The following PPP1R13B variants were observed in gnomAD, a reference collection of about 807,000 sequenced individuals.
The protein encoded by PPP1R13B is protein phosphatase 1 regulatory subunit 13B.
In PPP1R13B, 44 loss-of-function variants were observed where a neutral mutation model predicts 119.8. The observed-to-expected ratio is 0.37, with a 90% CI of 0.29 to 0.47. The LOEUF is 0.47. Among genes scored for constraint, PPP1R13B ranks in the 20% least tolerant of loss-of-function variants. The pLI is 0.99. For synonymous variants in PPP1R13B, 542 were observed against 561.5 expected (o/e 0.97, Z 0.49); for missense variants, 1,227 against 1,413.5 (o/e 0.87, Z 2.12).
In PPP1R13B at chr14:103,742,537, G is replaced by C. The variant is rs769850700; in HGVS notation, c.1320+117C>G. 7.1e-7 allele frequency: 1 copy of C among 1,411,170 alleles called. No homozygotes were observed. Among genetic ancestry groups the C allele is most frequent in the African/African-American group, 1.4e-5 (1 of 69,962 alleles). 87.4% of individuals were successfully genotyped at this position (1,411,170 alleles called of 1,614,324 possible). On this transcript the variant is annotated intron_variant, in intron 10 of 16. Transcript: ENST00000202556. The surrounding 1 kb of genome is among the most constrained non-coding windows in gnomAD (Gnocchi z 4.9). ...CCTCTAGGACTTTGGGTGTTGTCTG[G>C]ACAATAACAGGATTAACTTGCCTCC...
intron 3 of PPP1R13B, among the ~76,000 whole-genome samples, chr14:103,779,906 T>C (rs1424517055): frequency 2.6e-5 from 4 of 151,708 alleles, no homozygotes; most frequent in Non-Finnish European, 5.9e-5. Context: ...TCCCAGCACT[T>C]TGGAAGGCTG....
intron 4 of PPP1R13B, among the ~76,000 whole-genome samples, chr14:103,777,507 T>C (rs760919121): frequency 3.3e-5 from 5 of 152,046 alleles, no homozygotes; most frequent in African/African-American, 4.8e-5. Context: ...GCTAAGCCCA[T>C]AGCCCATCTG....
At chr14:103,782,403 T>C (rs890184452) in intron 3 of PPP1R13B, among the ~76,000 whole-genome samples, 6 of 152,230 alleles carry the variant, frequency 3.9e-5, no homozygotes, top group Admixed American at 3.9e-4. Flanking sequence ...GGTGGGCATT[T>C]AGGTTGTTCC....
At chr14:103,767,550 T>A (rs993131263) in intron 4 of PPP1R13B, among the ~76,000 whole-genome samples, 1 of 152,132 alleles carries the variant, frequency 6.6e-6, no homozygotes, top group Non-Finnish European at 1.5e-5. Context: ...TGCTGATATA[T>A]AATTCTTGCA....
intron 1 of PPP1R13B, chr14:103,818,527 A>G (rs1467536785): frequency 2.0e-6 from 2 of 979,896 alleles, no homozygotes; most frequent in African/African-American, 1.8e-5. Context: ...GGCAGCTACT[A>G]GACAAATCAT....
intron 4 of PPP1R13B, among the ~76,000 whole-genome samples, chr14:103,777,513 A>G (rs1457123810): frequency 6.6e-6 from 1 of 152,086 alleles, no homozygotes; most frequent in Non-Finnish European, 1.5e-5. Context: ...CCCATAGCCC[A>G]TCTGCCGCCA....
intron 4 of PPP1R13B, among the ~76,000 whole-genome samples, chr14:103,761,402 ACT>A (rs1446918234): frequency 6.6e-6 from 1 of 151,894 alleles, no homozygotes; most frequent in Non-Finnish European, 1.5e-5. Context: ...CCAGTTAATG[ACT>A]CTTCATTATT....
chr14:103,752,012 G>A (rs948015503), intron 7 of PPP1R13B, among the ~76,000 whole-genome samples: 7 of 152,112 alleles, frequency 4.6e-5, no homozygotes, highest in Non-Finnish European at 1.0e-4. Context: ...GAAAGAAGCC[G>A]GTCACAAAGG....
At chr14:103,819,365 T>C (rs1595819369) in intron 1 of PPP1R13B, among the ~76,000 whole-genome samples, 1 of 151,758 alleles carries the variant, frequency 6.6e-6, no homozygotes, top group South Asian at 2.1e-4. Context: ...GACATGGTGG[T>C]GCAGGCCTGT....
rs530227164 is a variant in PPP1R13B, at chr14:103,765,188, T to C, written c.355-7437A>G. 4.6e-5 allele frequency among the ~76,000 whole-genome samples: 7 copies of C among 152,368 alleles called. No homozygotes were observed. The South Asian group carries it at 1.4e-3, about 32-fold the overall frequency. On this transcript the variant is annotated intron_variant, in intron 4 of 16. Coordinates refer to ENST00000202556, the MANE Select transcript of PPP1R13B (RefSeq NM_015316.3). ...GGTGTTTGTCACATTTTGTTCGTGA[T>C]GTCTTATTTCCTTGTGCACGTGATT... is the stretch of plus-strand genomic sequence containing the variant.
chr14:103,764,789 T>C lies in PPP1R13B; in HGVS notation c.355-7038A>G, dbSNP rs143064420. ...CTCTTGAACATACCAACAAAACTTGTCATTTATTTAAATAAAGTAAATACA... is the reference window on the plus strand; with the variant it reads ...CTCTTGAACATACCAACAAAACTTGCCATTTATTTAAATAAAGTAAATACA... On this transcript the variant is annotated intron_variant, in intron 4 of 16. Transcript: ENST00000202556. 9.2e-5 allele frequency among the ~76,000 whole-genome samples: 14 copies of C among 152,332 alleles called. No homozygotes were observed. In the East Asian group the frequency reaches 2.5e-3, roughly 27 times the overall value.
At chr14:103,756,057 T>TA in intron 5 of PPP1R13B, among the ~76,000 whole-genome samples, 1 of 152,138 alleles carries the variant, frequency 6.6e-6, no homozygotes, top group East Asian at 1.9e-4. Context: ...TGGTAATGTT[T>TA]AAATGTTATC....
At chr14:103,845,143 C>T (rs984520783) in intron 1 of PPP1R13B, among the ~76,000 whole-genome samples, 3 of 152,188 alleles carry the variant, frequency 2.0e-5, no homozygotes, top group Non-Finnish European at 2.9e-5. Flanking sequence ...TCTACACAAA[C>T]TGCAAAATAT....
chr14:103,799,975 C>T (rs771675994), intron 1 of PPP1R13B, among the ~76,000 whole-genome samples: 1 of 151,826 alleles, frequency 6.6e-6, no homozygotes, highest in African/African-American at 2.4e-5. Context: ...CACTTGAACC[C>T]GGGAGGCATG....
chr14:103,765,064 C>T (rs1023751461), intron 4 of PPP1R13B, among the ~76,000 whole-genome samples: 3 of 152,184 alleles, frequency 2.0e-5, no homozygotes, highest in African/African-American at 4.8e-5. Flanking sequence ...GTGATCCGCC[C>T]GCCTCGGCCT....
chr14:103,846,693 C>G (rs2087045644), intron 1 of PPP1R13B: 1 of 455,098 alleles, frequency 2.2e-6, no homozygotes, highest in African/African-American at 2.0e-5. Flanking sequence ...TCCTTAAGGG[C>G]AGGACAAAGA....
At position 103,742,324 on chromosome 14, in the gene PPP1R13B, C is replaced by T. The variant is rs1453143112; in HGVS notation, c.1321-33G>A. On this transcript the variant is annotated intron_variant, in intron 10 of 16. Transcript: ENST00000202556. The surrounding 1 kb of genome is among the most constrained non-coding windows in gnomAD (Gnocchi z 4.9). ...TAGGTGTTAAGAAGAAAAACAAAGT[C>T]ACCCTTTGAACAGTTAAGAATATTT... The T allele has an allele frequency of 1.3e-6, 2 of 1,514,168 alleles. No homozygotes were observed. The highest frequency in any genetic ancestry group is 1.8e-6 in the Non-Finnish European group (2 of 1,139,246). 93.8% of individuals were successfully genotyped at this position (1,514,168 alleles called of 1,614,324 possible). A position where few individuals can be genotyped will look rare whatever the true frequency, so the allele number is the denominator to read the frequency against.
intron 4 of PPP1R13B, among the ~76,000 whole-genome samples, chr14:103,759,554 C>T (rs2084755915): frequency 6.6e-6 from 1 of 151,998 alleles, no homozygotes; most frequent in Non-Finnish European, 1.5e-5. Context: ...GATCCTCCCA[C>T]CTAGGCCTCC....
At chr14:103,778,949 T>A in intron 3 of PPP1R13B, 128 bp from the exon 4 acceptor site, 2 of 724,216 alleles carry the variant, frequency 2.8e-6, no homozygotes, top group East Asian at 5.4e-5. Flanking sequence ...AATTCAAGAC[T>A]TTAGTACAGT....
Sources: allele counts gnomAD v4.1 joint callset (sites outside exome capture counted in the v4.1 genomes callset), GRCh38; gene constraint gnomAD v4.1.1; non-coding constraint Gnocchi (gnomAD v3.1); transcripts MANE v1.5; gene names NCBI Gene and HGNC (gene_info 2026-07-23, HGNC 2026-07-21).